SLC26A7: variants seen among roughly 807,000 people sequenced by gnomAD.
SLC26A7 encodes the protein anion exchange transporter.
Under a neutral mutation model 82.5 loss-of-function variants are expected in SLC26A7, and 59 were observed. The ratio of observed to expected loss-of-function variants is 0.72; its 90% CI spans 0.58 to 0.89. The LOEUF is 0.89. Ranked by LOEUF, SLC26A7 falls within the 40% of genes least tolerant of loss-of-function variation. SLC26A7 has a pLI of 0.00. For synonymous variants in SLC26A7, 271 were observed against 274.3 expected (o/e 0.99, Z 0.12); for missense variants, 820 against 793.0 (o/e 1.03, Z -0.41).
chr8:91,222,042 T>C (rs996169148), intron 2 of SLC26A7, among the ~76,000 whole-genome samples: 1 of 152,208 alleles, frequency 6.6e-6, no homozygotes, highest in Non-Finnish European at 1.5e-5. Flanking sequence ...TCCTCTCTTA[T>C]TTCCTTGAAC....
At chr8:91,385,248 T>A (rs16912685) in intron 15 of SLC26A7, among the ~76,000 whole-genome samples, 7,957 of 152,254 alleles carry the variant, frequency 0.052, 289 homozygotes, top group African/African-American at 0.11. Context: ...TAAGGCAGGA[T>A]ATTAGCTGTA....
At chr8:91,284,869 C>T (rs1811668800) in intron 2 of SLC26A7, among the ~76,000 whole-genome samples, 1 of 152,166 alleles carries the variant, frequency 6.6e-6, no homozygotes, top group Non-Finnish European at 1.5e-5. Flanking sequence ...TTATTAAGCA[C>T]AAGTGATTTG....
intron 2 of SLC26A7, chr8:91,219,295 T>C: frequency 4.5e-6 from 1 of 220,590 alleles, no homozygotes; most frequent in Non-Finnish European, 8.8e-6. Flanking sequence ...ACCACTCCCC[T>C]TTTTCTAGGT....
At chr8:91,355,547 T>C (rs1238721689) in intron 11 of SLC26A7, among the ~76,000 whole-genome samples, 3 of 152,078 alleles carry the variant, frequency 2.0e-5, no homozygotes, top group Admixed American at 1.3e-4. Flanking sequence ...ATTTTAAACA[T>C]GGCTTTTATT....
intron 16 of SLC26A7, among the ~76,000 whole-genome samples, chr8:91,391,325 TG>T (rs1814962659): frequency 6.6e-6 from 1 of 152,206 alleles, no homozygotes; most frequent in African/African-American, 2.4e-5. Flanking sequence ...TTATTCATTT[TG>T]TAAAAATGAG....
At chr8:91,256,112 G>T (rs1810793719) in intron 2 of SLC26A7, among the ~76,000 whole-genome samples, 1 of 152,096 alleles carries the variant, frequency 6.6e-6, no homozygotes, top group African/African-American at 2.4e-5. Context: ...TTCTCAAACT[G>T]GAGGCCTATT....
intron 8 of SLC26A7, chr8:91,343,092 G>C (rs1258448272): frequency 3.1e-6 from 1 of 321,368 alleles, no homozygotes; most frequent in African/African-American, 2.1e-5. Context: ...AGAAATTGAT[G>C]ACAGAGAGCA....
At position 91,344,028 on chromosome 8, in the gene SLC26A7, G is replaced by A. The variant is rs1421459981; in HGVS notation, c.1140+562G>A. Reference sequence around the variant, plus strand: ...CTGGTAAGATGATGATGATGATGACGATGTTGATGATGACAATCATAATGA... The same window carrying A: ...CTGGTAAGATGATGATGATGATGACAATGTTGATGATGACAATCATAATGA... On this transcript the variant is annotated intron_variant, in intron 9 of 18. Transcript: ENST00000276609. 12 of 979,110 alleles carry A rather than the reference G, an allele frequency of 1.2e-5. No homozygotes were observed. In the South Asian group the frequency reaches 2.4e-4, roughly 19 times the overall value. The allele number at this position is 979,110 out of a possible 1,614,324, so 60.7% of individuals were successfully genotyped here. A position where few individuals can be genotyped will look rare whatever the true frequency, so the allele number is the denominator to read the frequency against.
intron 5 of SLC26A7, among the ~76,000 whole-genome samples, chr8:91,327,997 AT>A (rs1377835154): frequency 6.6e-6 from 1 of 152,144 alleles, no homozygotes; most frequent in Admixed American, 6.5e-5. Flanking sequence ...TGTATATTTT[AT>A]TACAACAAAA....
chr8:91,324,118 C>A (rs1414664772), intron 5 of SLC26A7, among the ~76,000 whole-genome samples: 1 of 152,140 alleles, frequency 6.6e-6, no homozygotes, highest in Non-Finnish European at 1.5e-5. Flanking sequence ...TGAGCCACTG[C>A]ACTCAGCTTA....
At chr8:91,258,861 T>C (rs2130711683) in intron 2 of SLC26A7, among the ~76,000 whole-genome samples, 1 of 152,212 alleles carries the variant, frequency 6.6e-6, no homozygotes, top group South Asian at 2.1e-4. Context: ...TGTCCCTCTA[T>C]TCTCTATCTT....
chr8:91,228,041 G>T (rs542216558), intron 2 of SLC26A7, among the ~76,000 whole-genome samples: 1 of 152,334 alleles, frequency 6.6e-6, no homozygotes, highest in Admixed American at 6.5e-5. Flanking sequence ...TAGGCCACAA[G>T]GCTCCAAATG....
chr8:91,394,947 C>A (rs2081331985), intron 18 of SLC26A7, 115 bp from the exon 19 acceptor site: 3 of 1,243,382 alleles, frequency 2.4e-6, no homozygotes, highest in Admixed American at 1.8e-5. Flanking sequence ...ATAAAAGGTT[C>A]ATTTTCTTTG....
rs184894253 is a variant in SLC26A7 at position 91,213,114 on chromosome 8, C to T, written c.-150+3572C>T. On this transcript the variant is annotated intron_variant, in intron 1 of 5. Transcript: ENST00000522862. ...GTGTATCATCAAAATGTTGAAAATT[C>T]CTTGTGAAATTCAGAGGATATTGAT... Among the ~76,000 whole-genome samples the T allele has an allele frequency of 6.4e-3, 968 of 151,942 alleles. 6 individuals carry two copies. The highest frequency in any genetic ancestry group is 0.01 in the Non-Finnish European group (705 of 67,966).
At chr8:91,288,575 G>A (rs1811773769) in intron 2 of SLC26A7, among the ~76,000 whole-genome samples, 1 of 150,788 alleles carries the variant, frequency 6.6e-6, no homozygotes, top group African/African-American at 2.4e-5. Flanking sequence ...ATAAGCCAAG[G>A]TCCCATTAGT....
In SLC26A7 at chr8:91,260,294, G is replaced by A. The variant is rs560575541; in HGVS notation, c.193+10450G>A. On this transcript the variant is annotated intron_variant, in intron 2 of 18. Transcript: ENST00000276609. ...TTTATAAAACCATCAGATCTTGTGA[G>A]AACTCACTCACTATCACGAGAACGT... Among the ~76,000 whole-genome samples the A allele has an allele frequency of 2.6e-5, 4 of 152,222 alleles. No individual in the cohort carries two copies. In the South Asian group the frequency reaches 8.3e-4, roughly 32 times the overall value.
intron 2 of SLC26A7, among the ~76,000 whole-genome samples, chr8:91,274,690 A>C (rs1226921413): frequency 6.6e-6 from 1 of 152,248 alleles, no homozygotes; most frequent in Non-Finnish European, 1.5e-5. Flanking sequence ...GCAAACATTC[A>C]AACCATAGCA....
At chr8:91,348,353 G>A in intron 9 of SLC26A7, 3 of 985,288 alleles carry the variant, frequency 3.0e-6, no homozygotes, top group Non-Finnish European at 3.6e-6. Flanking sequence ...CAACTGCTTA[G>A]GAAGTAAATG....
intron 10 of SLC26A7, among the ~76,000 whole-genome samples, chr8:91,352,190 T>C (rs1046392754): frequency 6.6e-6 from 1 of 152,070 alleles, no homozygotes; most frequent in Non-Finnish European, 1.5e-5. Flanking sequence ...GAAGTATAAA[T>C]TTTACTAAAA....
Sources: allele counts gnomAD v4.1 joint callset (sites outside exome capture counted in the v4.1 genomes callset), GRCh38; gene constraint gnomAD v4.1.1; transcripts MANE v1.5; gene names NCBI Gene and HGNC (gene_info 2026-07-23, HGNC 2026-07-21).